CD81: variants seen among roughly 807,000 people sequenced by gnomAD.
CD81 encodes the protein CD81 molecule, also known as CD81 antigen.
CD81 carries 10 observed loss-of-function variants against 30.1 expected under a neutral mutation model. The ratio of observed to expected loss-of-function variants is 0.33; its 90% CI spans 0.21 to 0.56. The LOEUF (loss-of-function observed/expected upper bound fraction) is 0.56, where lower values mean the gene tolerates loss of function less well. Among genes scored for constraint, CD81 ranks in the 20% least tolerant of loss-of-function variants. The pLI, the probability that CD81 is intolerant of heterozygous loss-of-function variation, is 0.89. For synonymous variants in CD81, 147 were observed against 126.4 expected, an observed-to-expected ratio of 1.16 and a Z score of -1.10; for missense variants, 263 against 308.7, an observed-to-expected ratio of 0.85 and a Z score of 1.11.
chr11:2,395,700 G>C, intron 5 of CD81, 169 bp from the exon 6 acceptor site: 1 of 750,346 alleles, frequency 1.3e-6, no homozygotes. Flanking sequence ...GGGTGGCCCA[G>C]GGTGCGGAAA....
intron 1 of CD81, among the ~76,000 whole-genome samples, chr11:2,385,503 C>T (rs1158181311): frequency 1.3e-5 from 2 of 152,000 alleles, no homozygotes; most frequent in Non-Finnish European, 2.9e-5. Flanking sequence ...CGTGGCCTGC[C>T]CGTCGTCTAT....
At chr11:2,379,339 T>C (rs1413649197) in intron 1 of CD81, 1 of 313,616 alleles carries the variant, frequency 3.2e-6, no homozygotes, top group African/African-American at 3.5e-5. Context: ...TGAGGGAGAG[T>C]GTGGACCTGG....
chr11:2,379,582 C>G (rs1276964357), intron 1 of CD81, among the ~76,000 whole-genome samples: 1 of 152,004 alleles, frequency 6.6e-6, no homozygotes, highest in Non-Finnish European at 1.5e-5. Context: ...TGTGTCAGCA[C>G]TGGGTGAGCC....
At chr11:2,386,462 C>A in intron 1 of CD81, 1 of 692,412 alleles carries the variant, frequency 1.4e-6, no homozygotes, top group South Asian at 1.5e-5. Context: ...CTGCCATTGC[C>A]CTCCCTCGTA....
chr11:2,382,717 C>T (rs910192783), intron 1 of CD81, among the ~76,000 whole-genome samples: 9 of 152,198 alleles, frequency 5.9e-5, no homozygotes, highest in African/African-American at 9.6e-5. Context: ...ATATCCGCTG[C>T]GGTGCAGAAC....
intron 2 of CD81, chr11:2,391,701 G>A (rs1427899176): frequency 1.3e-5 from 2 of 152,274 alleles, no homozygotes; most frequent in Non-Finnish European, 2.9e-5. Flanking sequence ...TCGGGGCCGT[G>A]GTGCCCTCAC....
rs1038975511 is a variant in CD81, at chr11:2,378,856, C to T, written c.66+1241C>T. Reference sequence around the variant, plus strand: ...TGTGTGGGACCAGAGACATCTGTTTCCCATCTGGACGGCTGAGGATCCCAG... The same window carrying T: ...TGTGTGGGACCAGAGACATCTGTTTTCCATCTGGACGGCTGAGGATCCCAG... On this transcript the variant is annotated intron_variant, in intron 1 of 7. Coordinates refer to ENST00000263645, the MANE Select transcript of CD81 (RefSeq NM_004356.4). This position sits in a 1 kb window ranked among gnomAD's most constrained non-coding sequence, Gnocchi z 4.9. 1.8e-4 allele frequency among the ~76,000 whole-genome samples: 28 copies of T among 152,350 alleles called. No homozygotes were observed. Among genetic ancestry groups the T allele is most frequent in the African/African-American group, 6.7e-4 (28 of 41,576 alleles).
chr11:2,381,293 C>T (rs1332128555), intron 1 of CD81, among the ~76,000 whole-genome samples: 1 of 152,246 alleles, frequency 6.6e-6, no homozygotes, highest in Non-Finnish European at 1.5e-5. Flanking sequence ...CTTCCCCGGT[C>T]GCCCCTGTGG....
At chr11:2,379,122 G>A (rs1232154037) in intron 1 of CD81, 1 of 455,612 alleles carries the variant, frequency 2.2e-6, no homozygotes, top group Non-Finnish European at 4.4e-6. Context: ...GCTTAGTGGT[G>A]GCCTGCTTCA....
At chr11:2,383,305 C>G (rs1849733300) in intron 1 of CD81, among the ~76,000 whole-genome samples, 1 of 152,088 alleles carries the variant, frequency 6.6e-6, no homozygotes, top group Admixed American at 6.5e-5. Context: ...TGAGAGGGCC[C>G]TACGTCACCC....
In CD81 at chr11:2,378,665, C is replaced by T. The variant is rs1205857172; in HGVS notation, c.66+1050C>T. Among the ~76,000 whole-genome samples the T allele has an allele frequency of 6.6e-6, 1 of 152,190 alleles. No homozygotes were observed. The highest frequency in any genetic ancestry group is 1.5e-5 in the Non-Finnish European group (1 of 68,022). ...GGACTGGAGTGGGTGTCCATGGCCG[C>T]GGCCTCCCCGTGGCCACGCCCCTGG... On this transcript the variant is annotated intron_variant, in intron 1 of 7. Coordinates refer to ENST00000263645, the MANE Select transcript of CD81 (RefSeq NM_004356.4). This position sits in a 1 kb window ranked among gnomAD's most constrained non-coding sequence, Gnocchi z 4.9.
In CD81 at chr11:2,397,051, A is replaced by G; in HGVS notation, c.*185A>G. 2 of 655,234 alleles carry G rather than the reference A, an allele frequency of 3.1e-6. No individual in the cohort carries two copies. Among genetic ancestry groups the G allele is most frequent in the South Asian group, 3.5e-5 (2 of 56,918 alleles). 40.6% of individuals were successfully genotyped at this position (655,234 alleles called of 1,614,324 possible). ...CTGTTACCTTTTCAGGGCTGACGTCACATGTAGGTGGCGTGTATGAGTGGA... is the reference window on the plus strand; with the variant it reads ...CTGTTACCTTTTCAGGGCTGACGTCGCATGTAGGTGGCGTGTATGAGTGGA... On this transcript the variant is annotated 3_prime_UTR_variant, in exon 8 of 8. Coordinates refer to ENST00000263645, the MANE Select transcript of CD81 (RefSeq NM_004356.4).
intron 1 of CD81, among the ~76,000 whole-genome samples, chr11:2,381,162 G>A (rs897993490): frequency 2.0e-5 from 3 of 152,218 alleles, no homozygotes; most frequent in South Asian, 2.1e-4. Context: ...TTGGGGAAAC[G>A]GCCACTGGGT....
At chr11:2,379,041 G>C in intron 1 of CD81, 1 of 420,722 alleles carries the variant, frequency 2.4e-6, no homozygotes, top group Non-Finnish European at 4.9e-6. Flanking sequence ...CACTGCCCTG[G>C]CAGTGGGGGC....
Position 2,380,602 on chromosome 11 carries a change from A to G in CD81, c.66+2987A>G, listed in dbSNP as rs769633605. 2.0e-5 allele frequency among the ~76,000 whole-genome samples: 3 copies of G among 152,274 alleles called. No homozygotes were observed. In the East Asian group the frequency reaches 5.8e-4, roughly 29 times the overall value. On this transcript the variant is annotated intron_variant, in intron 1 of 7. Transcript: ENST00000263645. ...CGGGCCCAAGCAGGGAGGACATTGC[A>G]GATGCCCTGGCCAAGCAGCGTGGAA...
chr11:2,377,622 G>T lies in CD81; in HGVS notation c.66+7G>T. The T allele has an allele frequency of 4.6e-6, 7 of 1,536,854 alleles. No homozygotes were observed. Among genetic ancestry groups the T allele is most frequent in the Non-Finnish European group, 6.2e-6 (7 of 1,136,332 alleles). On this transcript the variant is annotated splice_region_variant and intron_variant, in intron 1 of 7. Coordinates refer to ENST00000263645, the MANE Select transcript of CD81 (RefSeq NM_004356.4). This position sits in a 1 kb window ranked among gnomAD's most constrained non-coding sequence, Gnocchi z 7.7. ...CTTCAATTTCGTCTTCTGGGTAAGGGCTGCGCCGGGGGCCGGGGCGGGAGG... is the reference window on the plus strand; with the variant it reads ...CTTCAATTTCGTCTTCTGGGTAAGGTCTGCGCCGGGGGCCGGGGCGGGAGG...
Position 2,397,200 on chromosome 11 carries a change from T to C in CD81, c.*334T>C, listed in dbSNP as rs1049549. On this transcript the variant is annotated 3_prime_UTR_variant, in exon 8 of 8. Coordinates refer to ENST00000263645, the MANE Select transcript of CD81 (RefSeq NM_004356.4). ...CGCCCAGAGACTCAGCTTGGCCAAC[T>C]TGGGGGGCTGTGTCCACCCAGCCCG... 18,857 of 420,802 alleles carry C rather than the reference T, an allele frequency of 0.045. 1,584 individuals carry two copies. The highest frequency in any genetic ancestry group is 0.23 in the African/African-American group (11,468 of 49,176). The allele number at this position is 420,802 out of a possible 1,614,324, so 26.1% of individuals were successfully genotyped here.
At chr11:2,393,087 G>A (rs1046177278) in intron 2 of CD81, 1 of 152,480 alleles carries the variant, frequency 6.6e-6, no homozygotes, top group African/African-American at 2.4e-5. Flanking sequence ...TTCTCTGCCT[G>A]GCGGTGGGTC....
At position 2,396,720 on chromosome 11, in the gene CD81, C is replaced by A. The variant is rs559148512; in HGVS notation, c.648+6C>A. ...TCGTGGTCGCTGTGATCATGGTGAG[C>A]GGGCGGGGGCGGAGGGCCTGCTCTC... On this transcript the variant is annotated splice_donor_region_variant and intron_variant, in intron 7 of 7. Transcript: ENST00000263645. 6.2e-7 allele frequency: 1 copy of A among 1,611,272 alleles called. No individual in the cohort carries two copies. Among genetic ancestry groups the A allele is most frequent in the Non-Finnish European group, 8.5e-7 (1 of 1,179,850 alleles).
Sources: allele counts gnomAD v4.1 joint callset (sites outside exome capture counted in the v4.1 genomes callset), GRCh38; gene constraint gnomAD v4.1.1; non-coding constraint Gnocchi (gnomAD v3.1); transcripts MANE v1.5; gene names NCBI Gene and HGNC (gene_info 2026-07-23, HGNC 2026-07-21).